Variants in SVEP1 observed in about 807,000 individuals in gnomAD.
The protein encoded by SVEP1 is sushi, von Willebrand factor type A, EGF and pentraxin domain containing 1.
SVEP1 carries 164 observed loss-of-function variants against 367.3 expected under a neutral mutation model. The ratio of observed to expected loss-of-function variants is 0.45; its 90% CI spans 0.39 to 0.51. SVEP1 has a LOEUF of 0.51. SVEP1 is among the 20% of genes least tolerant of loss of function. The pLI is 0.00. For synonymous variants in SVEP1, 1,666 were observed against 1,611.6 expected (o/e 1.03, Z -0.81); for missense variants, 4,117 against 4,425.3 (o/e 0.93, Z 1.98).
In SVEP1 at chr9:110,455,466, G is replaced by A. The variant is rs369961742; in HGVS notation, c.3787+124C>T. ...GCAAATAAGTAATATTAGAAAATAT[G>A]CTTCTTCAATATGTTTATAATATTC... On this transcript the variant is annotated intron_variant, in intron 22 of 47. Coordinates refer to ENST00000374469, the MANE Select transcript of SVEP1 (RefSeq NM_153366.4). 2.2e-4 allele frequency: 152 copies of A among 686,266 alleles called. 1 individual carries two copies. In the African/African-American group the frequency reaches 2.6e-3, roughly 12 times the overall value. 42.5% of individuals were successfully genotyped at this position (686,266 alleles called of 1,614,324 possible).
intron 3 of SVEP1, among the ~76,000 whole-genome samples, chr9:110,524,446 AAG>A: frequency 6.6e-6 from 1 of 152,172 alleles, no homozygotes; most frequent in Non-Finnish European, 1.5e-5. Context: ...AATATGTAAA[AAG>A]AATTATACAT....
At chr9:110,403,747 A>G (rs77252843) in intron 39 of SVEP1, among the ~76,000 whole-genome samples, 4,718 of 152,236 alleles carry the variant, frequency 0.031, 72 homozygotes, top group Middle Eastern at 0.058. Flanking sequence ...GTTATGCCCA[A>G]TATGTTTCTA....
intron 42 of SVEP1, among the ~76,000 whole-genome samples, chr9:110,386,512 G>A (rs565466037): frequency 6.6e-6 from 1 of 152,304 alleles, no homozygotes; most frequent in African/African-American, 2.4e-5. Context: ...TCAGGAGGAT[G>A]GAACCAGGAA....
rs1395391111 is a variant in SVEP1, at chr9:110,451,421, C to A, written c.3788-19G>T. On this transcript the variant is annotated intron_variant, in intron 22 of 47. Transcript: ENST00000374469. ...CGCTGACCTGCAAAGAATCATTCAT[C>A]TTTGAGCTGGAGAAAACTTGACAGA... is the stretch of plus-strand genomic sequence containing the variant. The A allele has an allele frequency of 1.2e-6, 2 of 1,601,064 alleles. No homozygotes were observed.
At chr9:110,481,783 A>T (rs1005248470) in intron 11 of SVEP1, among the ~76,000 whole-genome samples, 6 of 151,852 alleles carry the variant, frequency 4.0e-5, no homozygotes, top group African/African-American at 1.5e-4. Context: ...TGCTATCTCG[A>T]CTCACTGCAG....
At chr9:110,434,615 T>C (rs1257365115) in intron 29 of SVEP1, 109 bp from the exon 30 acceptor site, 1 of 814,130 alleles carries the variant, frequency 1.2e-6, no homozygotes, top group Non-Finnish European at 1.6e-6. Flanking sequence ...GCCACCTTAC[T>C]GATGTGAAAA....
rs780167716 is a variant in SVEP1 at position 110,411,755 on chromosome 9, G to GA, written c.5976-21dup. ...GTATAGCTGTGAGGTTGGGAAGAAA[G>GA]AAAGAATAACTAAGCATAATATTTG... On this transcript the variant is annotated intron_variant, in intron 36 of 47. Transcript: ENST00000374469. The GA allele has an allele frequency of 1.5e-4, 220 of 1,483,450 alleles. No individual in the cohort carries two copies. The highest frequency in any genetic ancestry group is 1.9e-4 in the Non-Finnish European group (213 of 1,113,746). 91.9% of individuals were successfully genotyped at this position (1,483,450 alleles called of 1,614,324 possible).
chr9:110,572,459 A>G (rs1830575922), intron 1 of SVEP1, among the ~76,000 whole-genome samples: 2 of 152,244 alleles, frequency 1.3e-5, no homozygotes, highest in Non-Finnish European at 2.9e-5. Flanking sequence ...ATTACATACC[A>G]GTGTCCTATA....
Position 110,411,441 on chromosome 9 carries a change from G to A in SVEP1, c.6270C>T (p.Ser2090=). The change falls in exon 37 of 48, where the codon TCC becomes TCT. Residue 2090 remains serine, a synonymous_variant. Transcript: ENST00000374469. ...AHFCEKPPSV[S]YSILESVSKA... is the part of the protein sequence containing the mutation. ...TGCTCACAGATTCCAAGATGCTATA[G>A]GAAACCGATGGAGGTTTTTCACAGA... The A allele has an allele frequency of 6.2e-7, 1 of 1,614,016 alleles. No individual in the cohort carries two copies. Among genetic ancestry groups the A allele is most frequent in the East Asian group, 2.2e-5 (1 of 44,886 alleles).
chr9:110,452,696 A>G (rs913403015), intron 22 of SVEP1, among the ~76,000 whole-genome samples: 1 of 152,228 alleles, frequency 6.6e-6, no homozygotes, highest in African/African-American at 2.4e-5. Context: ...TGCAAGCCAC[A>G]CGCTTTGGTG....
rs1395475992 is a variant in SVEP1 at position 110,389,578 on chromosome 9, C to G, written c.9832G>C (p.Glu3278Gln). 9 of 1,613,556 alleles carry G rather than the reference C, an allele frequency of 5.6e-6. No individual in the cohort carries two copies. In the South Asian group the frequency reaches 6.6e-5, roughly 12 times the overall value. Reference protein sequence around the residue: ...EPGYELEGNRERVCQENRQWS... With the variant: ...EPGYELEGNRQRVCQENRQWS... ...TGTCTGTTCTCCTGGCAGACACGTT[C>G]CCTGTTCCCCTGTGAAACAATGGAG... Residue 3278 changes from glutamate (E) to glutamine (Q), a missense_variant, in exon 41 of 48, where the codon GAA becomes CAA. Physicochemically the swap from Glu to Gln is conservative, Grantham distance 29. Transcript: ENST00000374469.
Position 110,407,317 on chromosome 9 carries a change from T to C in SVEP1, c.8283A>G (p.Arg2761=), listed in dbSNP as rs761748560. Reference sequence around the variant, plus strand: ...AGCGTGGGGAGGCACCACTCCACTTTCTATTCTCTAGACAAAGCCTTAAGT... The same window carrying C: ...AGCGTGGGGAGGCACCACTCCACTTCCTATTCTCTAGACAAAGCCTTAAGT... ...GSDLRLCLEN[R]KWSGASPRCE... Residue 2761 remains arginine (R), a synonymous_variant, in exon 38 of 48, where the codon AGA becomes AGG. Transcript: ENST00000374469. 7.4e-6 allele frequency: 12 copies of C among 1,613,994 alleles called. No homozygotes were observed. In the East Asian group the frequency reaches 2.5e-4, roughly 33 times the overall value.
rs1260185709 is a variant in SVEP1 at position 110,499,197 on chromosome 9, T to C, written c.1525A>G (p.Ile509Val). 6.2e-7 allele frequency: 1 copy of C among 1,613,238 alleles called. No individual in the cohort carries two copies. Among genetic ancestry groups the C allele is most frequent in the African/African-American group, 1.3e-5 (1 of 74,870 alleles). Residue 509 changes from isoleucine (I) to valine (V), a missense_variant, in exon 7 of 48, where the codon ATA becomes GTA. Physicochemically the swap from Ile to Val is conservative, Grantham distance 29 (BLOSUM62 3). This residue lies in a region of SVEP1 where 2,174 missense variants were observed against 2,494.3 expected (regional missense o/e 0.87). Transcript: ENST00000374469. ...TGCTTGCCACAGTTGTGGGGGGATA[T>C]GATGACATCTTTGGGCATCTGAAAG... ...STFQMPKDVI[I>V]SPHNCGKQPA...
rs776772778 is a variant in SVEP1, at chr9:110,406,722, G to T, written c.8878C>A (p.Pro2960Thr). 1.9e-5 allele frequency: 31 copies of T among 1,613,992 alleles called. No individual in the cohort carries two copies. In the South Asian group the frequency reaches 3.4e-4, roughly 18 times the overall value. The change falls in exon 38 of 48, where the codon CCT becomes ACT. Residue 2960 changes from proline to threonine, a missense_variant. Physicochemically the swap from Pro to Thr is conservative, Grantham distance 38 (BLOSUM62 -1). Transcript: ENST00000374469. ...GPPEDLAHGF[P>T]NGFSFIHGGH... ...CCATGAATAAAGGAAAAACCATTAGGGAAACCATGGGCAAGATCTTCAGGA... is the reference window on the plus strand; with the variant it reads ...CCATGAATAAAGGAAAAACCATTAGTGAAACCATGGGCAAGATCTTCAGGA...
At chr9:110,499,378 G>T in intron 6 of SVEP1, 140 bp from the exon 7 acceptor site, 1 of 730,478 alleles carries the variant, frequency 1.4e-6, no homozygotes, top group Non-Finnish European at 2.2e-6. Context: ...ATATGACATT[G>T]AATGTATAAT....
rs1023756018 is a variant in SVEP1 at position 110,408,755 on chromosome 9, A to C, written c.6845T>G (p.Val2282Gly). The stretch of plus-strand genomic sequence containing the variant: ...ACAGAAAAACTGAACCTTGGACCCT[A>C]CTTCAAAGTTTTCTCCTTTCATGAA... ...NGFMKGENFEVGSKVQFFCNE... is the reference protein window; with the variant it reads ...NGFMKGENFEGGSKVQFFCNE... Residue 2282 changes from valine (V) to glycine (G), a missense_variant, in exon 38 of 48, where the codon GTA becomes GGA. Around this residue, in one of 4 missense-constraint regions of SVEP1, gnomAD observed 1,765 missense variants for 1,781.1 expected, o/e 0.99. Transcript: ENST00000374469. The C allele has an allele frequency of 1.2e-6, 2 of 1,613,616 alleles. No homozygotes were observed. Among genetic ancestry groups the C allele is most frequent in the African/African-American group, 2.7e-5 (2 of 74,906 alleles).
At chr9:110,567,937 C>T (rs1588112066) in intron 1 of SVEP1, among the ~76,000 whole-genome samples, 1 of 152,184 alleles carries the variant, frequency 6.6e-6, no homozygotes, top group East Asian at 1.9e-4. Context: ...GGGACCAATC[C>T]TTGGCAGTGA....
intron 43 of SVEP1, among the ~76,000 whole-genome samples, chr9:110,380,151 C>T (rs1827412829): frequency 6.6e-6 from 1 of 152,102 alleles, no homozygotes; most frequent in Non-Finnish European, 1.5e-5. Flanking sequence ...GGATGACAAT[C>T]CTCTCTTTTA....
chr9:110,406,634 C>A lies in SVEP1; in HGVS notation c.8966G>T (p.Cys2989Phe). Residue 2989 changes from cysteine to phenylalanine, a missense_variant, in exon 38 of 48, where the codon TGC becomes TTC. Coordinates refer to ENST00000374469, the MANE Select transcript of SVEP1 (RefSeq NM_153366.4). ...GCCACTCCAGGAGCCATTGGAGAGG[C>A]ACCTTCTTGATGAATTTCCATGGAG... Reference protein sequence around the residue: ...YKLHGNSSRRCLSNGSWSGSS... With the variant: ...YKLHGNSSRRFLSNGSWSGSS... The A allele has an allele frequency of 3.1e-6, 5 of 1,613,990 alleles. No individual in the cohort carries two copies. The highest frequency in any genetic ancestry group is 4.2e-6 in the Non-Finnish European group (5 of 1,179,900).
Sources: allele counts gnomAD v4.1 joint callset (sites outside exome capture counted in the v4.1 genomes callset), GRCh38; gene constraint gnomAD v4.1.1; regional missense constraint gnomAD v4.1.1; transcripts MANE v1.5; gene names NCBI Gene and HGNC (gene_info 2026-07-23, HGNC 2026-07-21).